The following TMEM131L variants were observed in gnomAD, a reference collection of about 807,000 sequenced individuals.
TMEM131L encodes the protein transmembrane 131 like, also known as transmembrane protein 131-like.
TMEM131L carries 54 observed loss-of-function variants against 192.2 expected under a neutral mutation model. The ratio of observed to expected loss-of-function variants is 0.28; its 90% CI spans 0.23 to 0.35. The LOEUF is 0.35. Ranked by LOEUF, TMEM131L falls within the 10% of genes least tolerant of loss-of-function variation. The pLI is 1.00. For missense variants in TMEM131L, 1,888 were observed against 1,972.9 expected (o/e 0.96, Z 0.82); for synonymous variants, 701 against 704.9 (o/e 0.99, Z 0.09).
chr4:153,626,183 C>T lies in TMEM131L; in HGVS notation c.4082C>T (p.Ala1361Val), dbSNP rs752625826. ...TCACAAAATGATTTTCCTTCTGAAG[C>T]TCCCATCTCCTTGAATCTTTCTCAT... Reference protein sequence around the residue: ...SVSQNDFPSEAPISLNLSHNI... With the variant: ...SVSQNDFPSEVPISLNLSHNI... The change falls in exon 30 of 35, where the codon GCT (alanine) becomes GTT (valine). Residue 1361 changes from alanine to valine, a missense_variant. Transcript: ENST00000409959. 8.1e-6 allele frequency: 13 copies of T among 1,612,106 alleles called. No homozygotes were observed. The African/African-American group carries it at 1.3e-4, about 17-fold the overall frequency.
At chr4:153,564,360 A>C (rs916167565) in intron 7 of TMEM131L, among the ~76,000 whole-genome samples, 4 of 150,488 alleles carry the variant, frequency 2.7e-5, no homozygotes, top group Non-Finnish European at 5.9e-5. Context: ...GAGGACATAG[A>C]TGGCACATAG....
At chr4:153,559,303 A>G (rs1367979229) in intron 7 of TMEM131L, among the ~76,000 whole-genome samples, 5 of 152,198 alleles carry the variant, frequency 3.3e-5, no homozygotes, top group Non-Finnish European at 7.3e-5. Context: ...AAAATGGAAA[A>G]GCCCCTCCTT....
rs1213308775 is a variant in TMEM131L at position 153,591,032 on chromosome 4, GTTTC to G, written c.1671-17_1671-14del. The G allele has an allele frequency of 2.8e-6, 4 of 1,453,576 alleles. No homozygotes were observed. Among genetic ancestry groups the G allele is most frequent in the African/African-American group, 1.5e-5 (1 of 68,850 alleles). 90.0% of individuals were successfully genotyped at this position (1,453,576 alleles called of 1,614,324 possible). A position where few individuals can be genotyped will look rare whatever the true frequency, so the allele number is the denominator to read the frequency against. On this transcript the variant is annotated splice_polypyrimidine_tract_variant and intron_variant, in intron 16 of 34. Coordinates refer to ENST00000409959, the MANE Select transcript of TMEM131L (RefSeq NM_001131007.2). ...AAATATCAAAATATTTTTCATAATA[GTTTC>G]TTTATCAATTAAACAGGAGGAATGT...
chr4:153,527,421 C>T (rs538774076), intron 3 of TMEM131L, among the ~76,000 whole-genome samples: 1 of 152,206 alleles, frequency 6.6e-6, no homozygotes, highest in South Asian at 2.1e-4. Context: ...TTCAGGTGTG[C>T]ACCACCATGC....
rs144350405 is a variant in TMEM131L at position 153,489,580 on chromosome 4, C to T, written c.239+15692C>T. On this transcript the variant is annotated intron_variant, in intron 3 of 34. Coordinates refer to ENST00000409959, the MANE Select transcript of TMEM131L (RefSeq NM_001131007.2). ...GCAACCTCTGCCTTCCAGGTTCAAG[C>T]GATTCTCCTGCCTCGGCCCCCTGAG... is the stretch of plus-strand genomic sequence containing the variant. Among the ~76,000 whole-genome samples the T allele has an allele frequency of 9.5e-4, 145 of 152,202 alleles. 1 individual carries two copies. The highest frequency in any genetic ancestry group is 3.3e-3 in the African/African-American group (137 of 41,518).
chr4:153,544,521 C>T (rs992521601), intron 3 of TMEM131L, among the ~76,000 whole-genome samples: 6 of 152,212 alleles, frequency 3.9e-5, no homozygotes, highest in African/African-American at 1.4e-4. Flanking sequence ...ACCCCTCACA[C>T]TGGCTTCCCT....
intron 7 of TMEM131L, among the ~76,000 whole-genome samples, chr4:153,571,130 G>C (rs1729561522): frequency 6.6e-6 from 1 of 151,780 alleles, no homozygotes; most frequent in African/African-American, 2.4e-5. Context: ...ATCAAGTTCT[G>C]GGTCTACTAA....
At chr4:153,629,497 T>C (rs1270035679) in intron 31 of TMEM131L, among the ~76,000 whole-genome samples, 2 of 152,194 alleles carry the variant, frequency 1.3e-5, no homozygotes, top group Non-Finnish European at 2.9e-5. Context: ...CATTAAAAAT[T>C]CAACAATAGC....
intron 33 of TMEM131L, among the ~76,000 whole-genome samples, chr4:153,634,721 G>T (rs551685601): frequency 1.3e-4 from 20 of 152,172 alleles, no homozygotes; most frequent in Non-Finnish European, 1.9e-4. Context: ...CAGAAGGAAG[G>T]AAAGAAGCTT....
chr4:153,507,701 G>A (rs971346757), intron 3 of TMEM131L, among the ~76,000 whole-genome samples: 1 of 152,120 alleles, frequency 6.6e-6, no homozygotes, highest in African/African-American at 2.4e-5. Context: ...TTGGATTCAG[G>A]AGTGAGATGC....
At chr4:153,536,346 T>A (rs1198722156) in intron 3 of TMEM131L, among the ~76,000 whole-genome samples, 1 of 152,186 alleles carries the variant, frequency 6.6e-6, no homozygotes, top group Non-Finnish European at 1.5e-5. Context: ...AGAATTACAA[T>A]TTAAAAGGAA....
In TMEM131L at chr4:153,633,604, C is replaced by T. The variant is rs889834705; in HGVS notation, c.4329-588C>T. ...ACACAATGGCAGTTTCTCAAATTTG[C>T]TATTTGACATTAATATGTCATTCTA... On this transcript the variant is annotated intron_variant, in intron 32 of 34. Transcript: ENST00000409959. Among the ~76,000 whole-genome samples the T allele has an allele frequency of 3.3e-5, 5 of 152,026 alleles. No individual in the cohort carries two copies. In the East Asian group the frequency reaches 9.6e-4, roughly 29 times the overall value.
At position 153,606,287 on chromosome 4, in the gene TMEM131L, T is replaced by C. The variant is rs17030220; in HGVS notation, c.3418+1857T>C. ...CACAGTCTTTGACATAGGATGACTT[T>C]GCACACACTTGAAATTAGAGTTGAG... On this transcript the variant is annotated intron_variant, in intron 25 of 34. Coordinates refer to ENST00000409959, the MANE Select transcript of TMEM131L (RefSeq NM_001131007.2). 1.1e-4 allele frequency among the ~76,000 whole-genome samples: 16 copies of C among 152,318 alleles called. No individual in the cohort carries two copies. In the East Asian group the frequency reaches 1.7e-3, roughly 17 times the overall value.
chr4:153,544,939 T>G (rs1737059996), intron 3 of TMEM131L, among the ~76,000 whole-genome samples: 1 of 152,224 alleles, frequency 6.6e-6, no homozygotes, highest in Non-Finnish European at 1.5e-5. Flanking sequence ...GCCCTGCCTC[T>G]CACTCTGGGG....
chr4:153,578,761 C>G (rs1578787453), intron 7 of TMEM131L, among the ~76,000 whole-genome samples: 2 of 151,930 alleles, frequency 1.3e-5, no homozygotes, highest in African/African-American at 4.8e-5. Context: ...ACCCCGTGAT[C>G]CACCCGCCTC....
intron 3 of TMEM131L, among the ~76,000 whole-genome samples, chr4:153,488,811 C>T (rs777933956): frequency 6.6e-6 from 1 of 152,210 alleles, no homozygotes; most frequent in Non-Finnish European, 1.5e-5. Context: ...CTGAAACCCT[C>T]GGGGAGTCCG....
At chr4:153,514,760 A>T (rs1219637642) in intron 3 of TMEM131L, among the ~76,000 whole-genome samples, 1 of 152,194 alleles carries the variant, frequency 6.6e-6, no homozygotes, top group Non-Finnish European at 1.5e-5. Context: ...CTTTATTGAG[A>T]TAGAATTTAC....
chr4:153,483,362 G>C (rs1002693488), intron 3 of TMEM131L, among the ~76,000 whole-genome samples: 7 of 152,138 alleles, frequency 4.6e-5, no homozygotes, highest in Admixed American at 4.6e-4. Context: ...CATTCAGTAA[G>C]ATGTGCGTTC....
At chr4:153,542,720 G>A (rs1176114423) in intron 3 of TMEM131L, among the ~76,000 whole-genome samples, 1 of 152,198 alleles carries the variant, frequency 6.6e-6, no homozygotes, top group African/African-American at 2.4e-5. Context: ...GAAGCGGCTA[G>A]GGAAGGTGAA....
Sources: gnomAD v4.1 joint callset for allele counts (sites outside exome capture counted in the v4.1 genomes callset) on GRCh38, gnomAD v4.1.1 for gene constraint, MANE v1.5 for transcripts, NCBI Gene and HGNC (gene_info 2026-07-23, HGNC 2026-07-21) for gene names.